C21orf58: variants seen among roughly 807,000 people sequenced by gnomAD.
The protein encoded by C21orf58 is chromosome 21 open reading frame 58, also known as uncharacterized protein C21orf58.
C21orf58 carries 34 observed loss-of-function variants against 35.8 expected under a neutral mutation model. That is an observed-to-expected ratio of 0.95 (90% CI 0.72 to 1.26). The LOEUF (loss-of-function observed/expected upper bound fraction) is 1.26. Among genes scored for constraint, C21orf58 ranks in the 50% most tolerant of loss-of-function variants. The pLI is 0.00. For missense variants in C21orf58, 440 were observed against 414.3 expected (o/e 1.06, Z -0.54); for synonymous variants, 191 against 175.8 (o/e 1.09, Z -0.68).
At chr21:46,322,369 T>A in intron 1 of C21orf58, 1 of 868,608 alleles carries the variant, frequency 1.2e-6, no homozygotes, top group Middle Eastern at 5.9e-4. Context: ...CAGAAACGAC[T>A]CTGGGGTTCT....
intron 7 of C21orf58, 98 bp downstream of exon 7, chr21:46,302,387 A>C: frequency 9.0e-7 from 1 of 1,109,600 alleles, no homozygotes; most frequent in Admixed American, 2.3e-5. Flanking sequence ...TGAGCCAGGA[A>C]TGCCCTTTCA....
In C21orf58 at chr21:46,311,463, A is replaced by G. The variant is rs1167402693; in HGVS notation, c.714T>C (p.Ile238=). Residue 238 remains isoleucine (I), a synonymous_variant, in exon 6 of 8, where the codon ATT becomes ATC. Coordinates refer to ENST00000291691, the MANE Select transcript of C21orf58 (RefSeq NM_058180.5). ...TGAATATGGAACACTTACCTTCCTT[A>G]ATACTTCCTGACCGTTGAGTAGGGA... The part of the protein sequence containing the change: ...QAFPTQRSGS[I]KEDMVELLLL... The G allele has an allele frequency of 6.3e-7, 1 of 1,582,820 alleles. No homozygotes were observed. The highest frequency in any genetic ancestry group is 1.3e-5 in the African/African-American group (1 of 74,522).
chr21:46,302,933 T>C (rs553063485), intron 6 of C21orf58, among the ~76,000 whole-genome samples: 34 of 145,274 alleles, frequency 2.3e-4, no homozygotes, highest in African/African-American at 7.9e-4. Flanking sequence ...ACGGTGCGGG[T>C]CCCCGGGGCG....
chr21:46,314,321 G>A (rs1314049327), intron 5 of C21orf58, among the ~76,000 whole-genome samples: 1 of 151,982 alleles, frequency 6.6e-6, no homozygotes, highest in South Asian at 2.1e-4. Context: ...CAGGTGATCC[G>A]CCCGCCTCGG....
At chr21:46,312,910 G>A (rs781755126) in intron 5 of C21orf58, 26 of 773,250 alleles carry the variant, frequency 3.4e-5, no homozygotes, top group South Asian at 1.2e-4. Context: ...TATAGAACAC[G>A]TCATGAAAAT....
At position 46,323,813 on chromosome 21, in the gene C21orf58, T is replaced by C. The variant is rs2083258799; in HGVS notation, c.-1075A>G. On this transcript the variant is annotated 5_prime_UTR_variant, in exon 1 of 8. Coordinates refer to ENST00000291691, the MANE Select transcript of C21orf58 (RefSeq NM_058180.5). ...CGCCTGCAGGGAGCCCGGCCCGCTG[T>C]CCTGGTGGACACAAAGCCCAGGGGC... 3.0e-6 allele frequency: 1 copy of C among 333,578 alleles called. No individual in the cohort carries two copies. Among genetic ancestry groups the C allele is most frequent in the Non-Finnish European group, 5.8e-6 (1 of 173,352 alleles). 20.7% of individuals were successfully genotyped at this position (333,578 alleles called of 1,614,324 possible).
At chr21:46,317,742 G>A (rs1159678843) in intron 2 of C21orf58, among the ~76,000 whole-genome samples, 1 of 152,232 alleles carries the variant, frequency 6.6e-6, no homozygotes, top group African/African-American at 2.4e-5. Context: ...AGGGAACAAT[G>A]CAGGCAGGGG....
Position 46,301,963 on chromosome 21 carries a change from G to A in C21orf58, c.*36C>T, listed in dbSNP as rs1487563147. On this transcript the variant is annotated 3_prime_UTR_variant, in exon 8 of 8. Transcript: ENST00000291691. ...CACAGCCCTGAGGAAGCCTGGGGGT[G>A]GAGGGTGCCCCGGCCAGGGTCTCTG... 1 of 1,481,648 alleles carries A rather than the reference G, an allele frequency of 6.7e-7. No individual in the cohort carries two copies. 91.8% of individuals were successfully genotyped at this position (1,481,648 alleles called of 1,614,324 possible). A position where few individuals can be genotyped will look rare whatever the true frequency, so the allele number is the denominator to read the frequency against.
intron 1 of C21orf58, 64 bp downstream of exon 1, chr21:46,322,575 G>T: frequency 7.1e-7 from 1 of 1,411,200 alleles, no homozygotes; most frequent in Non-Finnish European, 9.3e-7. Context: ...CCACTGCCCA[G>T]AGTTTGCTCA....
intron 5 of C21orf58, among the ~76,000 whole-genome samples, chr21:46,314,428 C>T (rs139860580): frequency 2.9e-4 from 44 of 152,290 alleles, no homozygotes; most frequent in African/African-American, 9.4e-4. Flanking sequence ...CAGGGCCGCC[C>T]GCTGAGCTCT....
chr21:46,304,020 G>GTTTT (rs34586952), intron 6 of C21orf58, among the ~76,000 whole-genome samples: 7 of 44,606 alleles, frequency 1.6e-4, no homozygotes, highest in Non-Finnish European at 2.1e-4. Flanking sequence ...CAAAGTGCTG[G>GTTTT]TTTTTTTTTT....
chr21:46,314,910 C>T lies in C21orf58; in HGVS notation c.445-30G>A, dbSNP rs75798864. On this transcript the variant is annotated intron_variant, in intron 4 of 7. Transcript: ENST00000291691. ...AAGGCCGATGCAGAGCTGCTGCACA[C>T]GGGGACGGGGAGCCCCAACGCCACA... 6.4e-4 allele frequency: 988 copies of T among 1,550,344 alleles called. 4 individuals carry two copies. In the East Asian group the frequency reaches 0.021, roughly 33 times the overall value.
intron 1 of C21orf58, among the ~76,000 whole-genome samples, chr21:46,320,480 C>CCATCCTGG (rs1232723960): frequency 7.1e-6 from 1 of 141,460 alleles, no homozygotes; most frequent in East Asian, 2.1e-4. Flanking sequence ...CTACTGCACT[C>CCATCCTGG]CATCCTGGGC....
chr21:46,316,874 T>C (rs1219499544), intron 3 of C21orf58, among the ~76,000 whole-genome samples: 1 of 152,296 alleles, frequency 6.6e-6, no homozygotes. Flanking sequence ...CCCCAACCAA[T>C]GGACAAGCTC....
At chr21:46,314,130 A>AGTTTTTTTTTTTTG (rs1555930174) in intron 5 of C21orf58, among the ~76,000 whole-genome samples, 3 of 52,272 alleles carry the variant, frequency 5.7e-5, no homozygotes, top group South Asian at 6.2e-4. Flanking sequence ...GGCATGATAA[A>AGTTTTTTTTTTTTG]GTTTTTTTTT....
chr21:46,318,405 A>G, intron 1 of C21orf58, 185 bp from the exon 2 acceptor site: 1 of 1,432,816 alleles, frequency 7.0e-7, no homozygotes, highest in South Asian at 1.5e-5. Context: ...AGGTGTGGCC[A>G]GCTGGGCTTC....
At chr21:46,305,236 A>G (rs2082358068) in intron 6 of C21orf58, among the ~76,000 whole-genome samples, 1 of 151,264 alleles carries the variant, frequency 6.6e-6, no homozygotes, top group Non-Finnish European at 1.5e-5. Context: ...GCGGCACAGC[A>G]GTGACTACAG....
chr21:46,318,989 A>C (rs1281170913), intron 1 of C21orf58: 4 of 355,726 alleles, frequency 1.1e-5, no homozygotes, highest in Non-Finnish European at 1.6e-5. Flanking sequence ...AGAGGTCAGC[A>C]CCCTCCTCGG....
intron 5 of C21orf58, among the ~76,000 whole-genome samples, chr21:46,314,367 C>T (rs1002631038): frequency 2.0e-5 from 3 of 152,154 alleles, no homozygotes; most frequent in Non-Finnish European, 2.9e-5. Flanking sequence ...TGTGAGCCAC[C>T]GCACCCGGCC....
Sources: allele counts gnomAD v4.1 joint callset (sites outside exome capture counted in the v4.1 genomes callset), GRCh38; gene constraint gnomAD v4.1.1; transcripts MANE v1.5; gene names NCBI Gene and HGNC (gene_info 2026-07-23, HGNC 2026-07-21).